The following DENND1A variants were observed in gnomAD, a reference collection of about 807,000 sequenced individuals.
The protein encoded by DENND1A is DENN domain-containing protein 1A.
A neutral mutation model predicts 113.7 loss-of-function variants in DENND1A; 51 were observed. The ratio of observed to expected loss-of-function variants is 0.45; its 90% CI spans 0.36 to 0.57. DENND1A has a LOEUF of 0.57. DENND1A is among the 20% of genes least tolerant of loss of function. The pLI is 0.00. For synonymous variants in DENND1A, 565 were observed against 570.8 expected, an observed-to-expected ratio of 0.99 and a Z score of 0.14; for missense variants, 1,258 against 1,395.9, an observed-to-expected ratio of 0.90 and a Z score of 1.57.
intron 19 of DENND1A, among the ~76,000 whole-genome samples, chr9:123,430,106 A>G (rs1273306266): frequency 6.6e-6 from 1 of 152,260 alleles, no homozygotes; most frequent in Non-Finnish European, 1.5e-5. Context: ...ATCAGTAGTC[A>G]TTAGAGAAAT....
At chr9:123,415,271 A>T (rs1178086893) in intron 19 of DENND1A, among the ~76,000 whole-genome samples, 1 of 152,048 alleles carries the variant, frequency 6.6e-6, no homozygotes, top group Non-Finnish European at 1.5e-5. Context: ...GCACGAGGGG[A>T]TCCTGTCACC....
intron 2 of DENND1A, among the ~76,000 whole-genome samples, chr9:123,864,406 A>G (rs987973011): frequency 2.0e-5 from 3 of 152,212 alleles, no homozygotes; most frequent in Non-Finnish European, 4.4e-5. Context: ...CCATGATTCC[A>G]GACCACAGGG....
intron 10 of DENND1A, among the ~76,000 whole-genome samples, chr9:123,629,579 C>A (rs1310551400): frequency 6.6e-6 from 1 of 152,234 alleles, no homozygotes; most frequent in African/African-American, 2.4e-5. Context: ...ATGTATTGAA[C>A]AACTTCCTTT....
chr9:123,417,484 G>A (rs1005714315), intron 19 of DENND1A, among the ~76,000 whole-genome samples: 1 of 152,232 alleles, frequency 6.6e-6, no homozygotes, highest in Non-Finnish European at 1.5e-5. Context: ...GGCCCAGAGA[G>A]GTTAAGGGAC....
intron 21 of DENND1A, among the ~76,000 whole-genome samples, chr9:123,395,999 A>G (rs7858738): frequency 0.7 from 105,901 of 151,128 alleles, 37,824 homozygotes; most frequent in Non-Finnish European, 0.8. Context: ...GTGTGTGTGC[A>G]CGCGTGTGAG....
chr9:123,566,942 A>ACACACACACAC (rs1554883243), intron 12 of DENND1A, among the ~76,000 whole-genome samples: 1 of 73,106 alleles, frequency 1.4e-5, no homozygotes, highest in Admixed American at 1.2e-4. Flanking sequence ...CACACACACA[A>ACACACACACAC]ACACACACAC....
intron 5 of DENND1A, among the ~76,000 whole-genome samples, chr9:123,728,097 C>T (rs1226888770): frequency 6.8e-6 from 1 of 147,504 alleles, no homozygotes; most frequent in East Asian, 2.0e-4. Flanking sequence ...CAGAGTGAGA[C>T]TCTGTCTCAA....
At chr9:123,715,872 T>A (rs1291706527) in intron 5 of DENND1A, among the ~76,000 whole-genome samples, 2 of 152,040 alleles carry the variant, frequency 1.3e-5, no homozygotes, top group African/African-American at 4.8e-5. Context: ...GATGGGGTTT[T>A]GCCATGTTGC....
chr9:123,670,112 ATAG>A (rs1330907925), intron 7 of DENND1A, among the ~76,000 whole-genome samples: 5 of 152,224 alleles, frequency 3.3e-5, no homozygotes, highest in Non-Finnish European at 5.9e-5. Flanking sequence ...ATTTATTAAA[ATAG>A]TAGATCTATT....
At chr9:123,737,565 T>C (rs2068662106) in intron 5 of DENND1A, among the ~76,000 whole-genome samples, 1 of 152,096 alleles carries the variant, frequency 6.6e-6, no homozygotes, top group Non-Finnish European at 1.5e-5. Context: ...CTTAGTTGTG[T>C]TTGGAAAAAA....
chr9:123,809,291 A>G (rs1836143353), intron 2 of DENND1A, among the ~76,000 whole-genome samples: 1 of 152,252 alleles, frequency 6.6e-6, no homozygotes, highest in South Asian at 2.1e-4. Context: ...AATAGCCATT[A>G]TAATATTTAA....
At chr9:123,548,028 T>C (rs897210768) in intron 13 of DENND1A, among the ~76,000 whole-genome samples, 2 of 152,218 alleles carry the variant, frequency 1.3e-5, no homozygotes, top group Admixed American at 6.5e-5. Context: ...AGTCTCAGGA[T>C]GGTGAAGTAA....
chr9:123,729,522 G>T (rs2068001399), intron 5 of DENND1A, among the ~76,000 whole-genome samples: 1 of 152,058 alleles, frequency 6.6e-6, no homozygotes, highest in Admixed American at 6.6e-5. Flanking sequence ...GCTACAAAGA[G>T]AATAAAATAC....
In DENND1A at chr9:123,744,663, A is replaced by G. The variant is rs555810636; in HGVS notation, c.302+13040T>C. On this transcript the variant is annotated intron_variant, in intron 5 of 23. Transcript: ENST00000394215. ...TACACTTTGTCACATGTATGCCCAC[A>G]TACATCTCACCTATGACAATTGGTC... is the stretch of plus-strand genomic sequence containing the variant. 8.3e-4 allele frequency among the ~76,000 whole-genome samples: 126 copies of G among 152,162 alleles called. 1 individual carries two copies. The highest frequency in any genetic ancestry group is 1.2e-3 in the Non-Finnish European group (84 of 68,000).
chr9:123,760,123 CAA>C (rs1448195928), intron 4 of DENND1A, among the ~76,000 whole-genome samples: 2 of 152,142 alleles, frequency 1.3e-5, no homozygotes, highest in Non-Finnish European at 2.9e-5. Context: ...TTGTATTTTA[CAA>C]AGTGTATTCA....
At chr9:123,686,995 C>T (rs1048389524) in intron 5 of DENND1A, among the ~76,000 whole-genome samples, 3 of 152,118 alleles carry the variant, frequency 2.0e-5, no homozygotes, top group Non-Finnish European at 2.9e-5. Context: ...AACCCATTTA[C>T]GCTCTATGCT....
chr9:123,762,700 C>A (rs2071141180), intron 4 of DENND1A, among the ~76,000 whole-genome samples: 1 of 152,160 alleles, frequency 6.6e-6, no homozygotes, highest in South Asian at 2.1e-4. Context: ...ACAAGTATAC[C>A]ACAAAACATA....
chr9:123,830,501 A>C (rs993862025), intron 2 of DENND1A, among the ~76,000 whole-genome samples: 1 of 152,022 alleles, frequency 6.6e-6, no homozygotes, highest in African/African-American at 2.4e-5. Context: ...TCAATCAAAA[A>C]ACTCAATTAA....
Position 123,877,590 on chromosome 9 carries a change from G to A in DENND1A, c.88+1361C>T, listed in dbSNP as rs561517339. On this transcript the variant is annotated intron_variant, in intron 2 of 23. Transcript: ENST00000394215. ...TGTAATCCCAGCACTTTGGGAGGCC[G>A]AGGTGGGTAGATCACCTGAGGTCAG... Among the ~76,000 whole-genome samples the A allele has an allele frequency of 1.1e-3, 168 of 152,168 alleles. 2 individuals carry two copies. Among genetic ancestry groups the A allele is most frequent in the South Asian group, 1.2e-3 (6 of 4,826 alleles).
Sources: gnomAD v4.1 joint callset for allele counts (sites outside exome capture counted in the v4.1 genomes callset) on GRCh38, gnomAD v4.1.1 for gene constraint, MANE v1.5 for transcripts, NCBI Gene and HGNC (gene_info 2026-07-23, HGNC 2026-07-21) for gene names.